IMPA2: variants seen among roughly 807,000 people sequenced by gnomAD.
IMPA2 encodes the protein inositol monophosphatase 2, also known as IMP 2.
Under a neutral mutation model 35.1 loss-of-function variants are expected in IMPA2, and 32 were observed. The observed-to-expected ratio is 0.91, with a 90% CI of 0.69 to 1.23. The LOEUF is 1.23. Ranked by LOEUF, IMPA2 falls within the 50% of genes most tolerant of loss-of-function variation. The pLI, the probability that IMPA2 is intolerant of heterozygous loss-of-function variation, is 0.00. For missense variants in IMPA2, 334 were observed against 387.6 expected (o/e 0.86, Z 1.16); for synonymous variants, 135 against 160.6 (o/e 0.84, Z 1.20).
At chr18:12,008,560 C>T (rs1488658907) in intron 2 of IMPA2, 10 of 456,664 alleles carry the variant, frequency 2.2e-5, no homozygotes, top group East Asian at 1.4e-4. Flanking sequence ...GTGTAAACAG[C>T]GGCCAGCTCC....
chr18:12,011,336 A>T (rs1396880727), intron 3 of IMPA2, among the ~76,000 whole-genome samples: 3 of 152,098 alleles, frequency 2.0e-5, no homozygotes, highest in African/African-American at 7.2e-5. Flanking sequence ...AGCATCTGCC[A>T]CTCAGATGGC....
chr18:12,010,716 G>A lies in IMPA2; in HGVS notation c.335+729G>A, dbSNP rs920880952. On this transcript the variant is annotated intron_variant, in intron 3 of 7. Transcript: ENST00000269159. This position sits in a 1 kb window ranked among gnomAD's most constrained non-coding sequence, Gnocchi z 4.8. ...TGGGCGGGTGGCTTGCAGCTCCTGCGCTCACAGTGCACGCCAGCACACTAG... is the reference window on the plus strand; with the variant it reads ...TGGGCGGGTGGCTTGCAGCTCCTGCACTCACAGTGCACGCCAGCACACTAG... Among the ~76,000 whole-genome samples, 2 of 152,168 alleles carry A rather than the reference G, an allele frequency of 1.3e-5. No homozygotes were observed. The highest frequency in any genetic ancestry group is 2.9e-5 in the Non-Finnish European group (2 of 68,030).
At chr18:12,023,210 A>C (rs1032054068) in intron 5 of IMPA2, among the ~76,000 whole-genome samples, 1 of 152,138 alleles carries the variant, frequency 6.6e-6, no homozygotes, top group Non-Finnish European at 1.5e-5. Context: ...TTTCACAAAC[A>C]GGAAAACTAT....
chr18:11,982,201 C>T (rs1031920783), intron 1 of IMPA2, among the ~76,000 whole-genome samples: 16 of 152,194 alleles, frequency 1.1e-4, no homozygotes, highest in African/African-American at 3.6e-4. Flanking sequence ...TCAACCCAAA[C>T]TTACTCTGAC....
intron 1 of IMPA2, among the ~76,000 whole-genome samples, chr18:11,995,865 A>T (rs188264973): frequency 6.6e-6 from 1 of 152,180 alleles, no homozygotes; most frequent in Non-Finnish European, 1.5e-5. Context: ...TGTGTGTTTT[A>T]TTCATTCTTT....
chr18:12,011,222 G>A (rs1322228857), intron 3 of IMPA2, among the ~76,000 whole-genome samples: 1 of 152,204 alleles, frequency 6.6e-6, no homozygotes, highest in South Asian at 2.1e-4. Flanking sequence ...ACTGGGAAAA[G>A]AGCAGCAATT....
At chr18:11,996,746 G>A (rs1211895504) in intron 1 of IMPA2, among the ~76,000 whole-genome samples, 1 of 152,092 alleles carries the variant, frequency 6.6e-6, no homozygotes, top group Non-Finnish European at 1.5e-5. Flanking sequence ...CTTCCTTGAT[G>A]ATCCCAGAGG....
intron 2 of IMPA2, among the ~76,000 whole-genome samples, chr18:12,007,863 C>T (rs190344518): frequency 3.1e-4 from 47 of 151,974 alleles, no homozygotes; most frequent in African/African-American, 1.1e-3. Context: ...CTGCATCCCT[C>T]CCGTCCTGGG....
At chr18:12,013,468 GT>G (rs1221498172) in intron 4 of IMPA2, among the ~76,000 whole-genome samples, 1 of 152,186 alleles carries the variant, frequency 6.6e-6, no homozygotes, top group Non-Finnish European at 1.5e-5. Context: ...ACTCTAGGGT[GT>G]TTGTGCTCAC....
In IMPA2 at chr18:12,010,073, A is replaced by G; in HGVS notation, c.335+86A>G. On this transcript the variant is annotated intron_variant, in intron 3 of 7. Transcript: ENST00000269159. The surrounding 1 kb of genome is among the most constrained non-coding windows in gnomAD (Gnocchi z 4.8). ...TGTCTTTTCAAAAGCAGCATTTTTT[A>G]AGGCAGGAATATATAAACAAACCTA... The G allele has an allele frequency of 2.1e-6, 2 of 966,968 alleles. No homozygotes were observed. Among genetic ancestry groups the G allele is most frequent in the Admixed American group, 1.8e-5 (1 of 55,250 alleles). The allele number at this position is 966,968 out of a possible 1,614,324, so 59.9% of individuals were successfully genotyped here.
At chr18:12,011,042 C>A (rs1568034191) in intron 3 of IMPA2, among the ~76,000 whole-genome samples, 1 of 152,194 alleles carries the variant, frequency 6.6e-6, no homozygotes, top group Non-Finnish European at 1.5e-5. Flanking sequence ...AGCCTCATTA[C>A]TTCTGCCTGC....
intron 5 of IMPA2, among the ~76,000 whole-genome samples, chr18:12,015,915 C>T (rs958112479): frequency 1.3e-5 from 2 of 152,134 alleles, no homozygotes; most frequent in African/African-American, 2.4e-5. Flanking sequence ...GCTGCCCGCC[C>T]GTGTAGCTCA....
chr18:12,008,147 C>G (rs1907330099), intron 2 of IMPA2, among the ~76,000 whole-genome samples: 1 of 152,132 alleles, frequency 6.6e-6, no homozygotes, highest in African/African-American at 2.4e-5. Context: ...AGGCGCCCAC[C>G]ACCACGCCCA....
In IMPA2 at chr18:11,991,541, G is replaced by A. The variant is rs1367566997; in HGVS notation, c.97-7513G>A. Among the ~76,000 whole-genome samples the A allele has an allele frequency of 3.3e-5, 5 of 152,156 alleles. No homozygotes were observed. Among genetic ancestry groups the A allele is most frequent in the Non-Finnish European group, 7.4e-5 (5 of 68,026 alleles). On this transcript the variant is annotated intron_variant, in intron 1 of 7. Transcript: ENST00000269159. This position sits in a 1 kb window ranked among gnomAD's most constrained non-coding sequence, Gnocchi z 4.1. ...TGTTAGGTTTTATTGATTGTCACAC[G>A]TATCAGGTTCTTCAGAGAAACAGGA...
chr18:12,004,987 G>T (rs918686237), intron 2 of IMPA2, among the ~76,000 whole-genome samples: 4 of 152,186 alleles, frequency 2.6e-5, no homozygotes. Context: ...CTTCCTACAT[G>T]AGTAAAATCA....
At chr18:12,020,599 G>C (rs1907702652) in intron 5 of IMPA2, among the ~76,000 whole-genome samples, 6 of 152,052 alleles carry the variant, frequency 3.9e-5, no homozygotes, top group African/African-American at 1.4e-4. Context: ...TTGAATGTAT[G>C]TTGGGCTTTC....
intron 1 of IMPA2, among the ~76,000 whole-genome samples, chr18:11,984,072 G>A (rs916537797): frequency 6.6e-6 from 1 of 152,120 alleles, no homozygotes; most frequent in Non-Finnish European, 1.5e-5. Context: ...TTCTAGATGC[G>A]GAAAGGTGAG....
chr18:12,016,047 T>C (rs1197923184), intron 5 of IMPA2, among the ~76,000 whole-genome samples: 2 of 152,190 alleles, frequency 1.3e-5, no homozygotes, highest in African/African-American at 2.4e-5. Context: ...GGTAATTTCG[T>C]AGAATGAAGG....
In IMPA2 at chr18:12,010,695, C is replaced by T. The variant is rs529986423; in HGVS notation, c.335+708C>T. Among the ~76,000 whole-genome samples, 4 of 152,290 alleles carry T rather than the reference C, an allele frequency of 2.6e-5. No homozygotes were observed. Among genetic ancestry groups the T allele is most frequent in the East Asian group, 3.9e-4 (2 of 5,160 alleles). On this transcript the variant is annotated intron_variant, in intron 3 of 7. Coordinates refer to ENST00000269159, the MANE Select transcript of IMPA2 (RefSeq NM_014214.3). This position sits in a 1 kb window ranked among gnomAD's most constrained non-coding sequence, Gnocchi z 4.8. ...CCTGGAGAGATTCCCATTCCATGGG[C>T]GGGTGGCTTGCAGCTCCTGCGCTCA... is the stretch of plus-strand genomic sequence containing the variant.
Sources: allele counts gnomAD v4.1 joint callset (sites outside exome capture counted in the v4.1 genomes callset), GRCh38; gene constraint gnomAD v4.1.1; non-coding constraint Gnocchi (gnomAD v3.1); transcripts MANE v1.5; gene names NCBI Gene and HGNC (gene_info 2026-07-23, HGNC 2026-07-21).